ANKRD26: variants seen among roughly 807,000 people sequenced by gnomAD.
ANKRD26 encodes the protein ankyrin repeat domain 26, also known as ankyrin repeat domain-containing protein 26.
ANKRD26 carries 141 observed loss-of-function variants against 208.7 expected under a neutral mutation model. The observed-to-expected ratio is 0.68, with a 90% CI of 0.59 to 0.78. The LOEUF is 0.78. Ranked by LOEUF, ANKRD26 falls within the 30% of genes least tolerant of loss-of-function variation. The probability of loss-of-function intolerance (pLI) is 0.00; values close to 1 mark genes in which losing one functional copy is unlikely to be tolerated. For synonymous variants in ANKRD26, 636 were observed against 660.4 expected (o/e 0.96, Z 0.57); for missense variants, 1,889 against 1,938.7 (o/e 0.97, Z 0.48).
chr10:27,098,338 A>G (rs1246974428), intron 1 of ANKRD26, among the ~76,000 whole-genome samples: 2 of 151,930 alleles, frequency 1.3e-5, no homozygotes, highest in Non-Finnish European at 2.9e-5. Flanking sequence ...TGAAAAGGAT[A>G]AAAGTTGTCA....
intron 11 of ANKRD26, chr10:27,066,232 A>G: frequency 3.4e-6 from 1 of 292,744 alleles, no homozygotes; most frequent in Non-Finnish European, 6.2e-6. Context: ...GTGACTTCTA[A>G]GCCTTTTCTT....
chr10:27,065,561 T>C (rs1451675300), intron 11 of ANKRD26, among the ~76,000 whole-genome samples: 3 of 152,124 alleles, frequency 2.0e-5, no homozygotes, highest in Non-Finnish European at 4.4e-5. Flanking sequence ...TTATTGTCAC[T>C]GGAAATGATT....
At chr10:27,050,182 T>C (rs909797243) in intron 16 of ANKRD26, among the ~76,000 whole-genome samples, 15 of 119,574 alleles carry the variant, frequency 1.3e-4, no homozygotes, top group African/African-American at 4.7e-4. Flanking sequence ...ATCATGCCAT[T>C]GCACTGCAGC....
Position 27,045,456 on chromosome 10 carries a change from T to C in ANKRD26, c.1985+897A>G, listed in dbSNP as rs1454798869. 4.6e-5 allele frequency among the ~76,000 whole-genome samples: 7 copies of C among 151,660 alleles called. No individual in the cohort carries two copies. In the East Asian group the frequency reaches 1.4e-3, roughly 29 times the overall value. On this transcript the variant is annotated intron_variant, in intron 18 of 33. Coordinates refer to ENST00000376087, the MANE Select transcript of ANKRD26 (RefSeq NM_014915.3). Reference sequence around the variant, plus strand: ...AAAAAAAAAAAATCCTTACTCAGCATACATGTCAATGACACTATTAGCATA... The same window carrying C: ...AAAAAAAAAAAATCCTTACTCAGCACACATGTCAATGACACTATTAGCATA...
At chr10:27,094,927 G>A (rs745988783) in intron 1 of ANKRD26, among the ~76,000 whole-genome samples, 7 of 151,822 alleles carry the variant, frequency 4.6e-5, no homozygotes, top group Non-Finnish European at 7.4e-5. Context: ...TTGAGCCCAG[G>A]AGGTTGAGGC....
chr10:27,087,206 G>A (rs2056152384), intron 4 of ANKRD26, among the ~76,000 whole-genome samples: 1 of 152,220 alleles, frequency 6.6e-6, no homozygotes, highest in African/African-American at 2.4e-5. Context: ...CCCAGAAGAA[G>A]TCCTGGCTCT....
chr10:27,020,240 G>A (rs1409574883), intron 29 of ANKRD26, among the ~76,000 whole-genome samples: 2 of 152,166 alleles, frequency 1.3e-5, no homozygotes, highest in African/African-American at 4.8e-5. Flanking sequence ...CAATGTATAA[G>A]CGAATTAGCA....
At chr10:27,027,456 C>T (rs1213936085) in intron 27 of ANKRD26, among the ~76,000 whole-genome samples, 2 of 152,154 alleles carry the variant, frequency 1.3e-5, no homozygotes, top group African/African-American at 2.4e-5. Flanking sequence ...GACAATTGTA[C>T]ACCATATCCA....
At chr10:27,062,230 A>G (rs945343938) in intron 12 of ANKRD26, 2 of 973,864 alleles carry the variant, frequency 2.1e-6, no homozygotes, top group African/African-American at 3.5e-5. Flanking sequence ...TATATCTACA[A>G]TTTCTATTTC....
Position 27,061,274 on chromosome 10 carries a change from T to C in ANKRD26, c.1364-32A>G, listed in dbSNP as rs562152434. On this transcript the variant is annotated intron_variant, in intron 12 of 33. Coordinates refer to ENST00000376087, the MANE Select transcript of ANKRD26 (RefSeq NM_014915.3). ...AATAATACATAATAAGCTTTCAATA[T>C]TGTAATATTTATCAAAAGGAAAAAA... 6 of 1,411,258 alleles carry C rather than the reference T, an allele frequency of 4.3e-6. No homozygotes were observed. The Admixed American group carries it at 8.9e-5, about 21-fold the overall frequency. The allele number at this position is 1,411,258 out of a possible 1,614,324, so 87.4% of individuals were successfully genotyped here. A position where few individuals can be genotyped will look rare whatever the true frequency, so the allele number is the denominator to read the frequency against.
rs539565423 is a variant in ANKRD26 at position 27,041,944 on chromosome 10, A to G, written c.2161+1482T>C. On this transcript the variant is annotated intron_variant, in intron 20 of 33. Transcript: ENST00000376087. ...CAGAACTATAACAAAATTATACCAT[A>G]TATGATGTGGTATGATATTATTTGA... Among the ~76,000 whole-genome samples the G allele has an allele frequency of 3.3e-5, 5 of 152,314 alleles. No individual in the cohort carries two copies. The South Asian group carries it at 6.2e-4, about 19-fold the overall frequency.
chr10:27,033,464 A>G, intron 24 of ANKRD26, 87 bp from the exon 25 acceptor site: 3 of 1,327,662 alleles, frequency 2.3e-6, no homozygotes, highest in South Asian at 1.3e-5. Context: ...ATATTTAACT[A>G]TGACATATAC....
At chr10:26,964,266 A>C in the ANKRD26 span, among the ~76,000 whole-genome samples, 7 of 152,114 alleles carry the variant, frequency 4.6e-5, no homozygotes, top group African/African-American at 1.4e-4. Flanking sequence ...TGGATGAAGA[A>C]GCCATGGGTA....
intron 4 of ANKRD26, among the ~76,000 whole-genome samples, chr10:26,999,037 T>A (rs2052660851): frequency 6.6e-6 from 1 of 152,192 alleles, no homozygotes; most frequent in Non-Finnish European, 1.5e-5. Context: ...TCTCAGCATC[T>A]CTAAATTGTT....
chr10:27,048,835 G>A lies in ANKRD26; in HGVS notation c.1780C>T (p.Gln594Ter), dbSNP rs781434451. ...TCTTTATTTTCCTTCCTGGGAAATT[G>A]CTGATGATCAGTTTCTCCACTCTTT... ...KRKSGETDHQ[Q>*]FPRKENKEYA... The change falls in exon 17 of 34, where the codon CAA becomes TAA. Residue 594 changes from glutamine to a stop codon, truncating the protein, a stop_gained. Coordinates refer to ENST00000376087, the MANE Select transcript of ANKRD26 (RefSeq NM_014915.3). LOFTEE classifies it high-confidence loss of function. The A allele has an allele frequency of 1.2e-6, 2 of 1,613,080 alleles. No homozygotes were observed. Among genetic ancestry groups the A allele is most frequent in the Non-Finnish European group, 1.7e-6 (2 of 1,179,696 alleles).
the ANKRD26 span, among the ~76,000 whole-genome samples, chr10:26,954,626 A>G: frequency 1.6e-4 from 25 of 152,274 alleles, no homozygotes; most frequent in Non-Finnish European, 3.4e-4. Context: ...ATAAATCTGT[A>G]TCCAGAAACA....
intron 6 of ANKRD26, 110 bp downstream of exon 6, chr10:27,082,693 C>T (rs2055967565): frequency 8.4e-6 from 12 of 1,427,038 alleles, no homozygotes; most frequent in Admixed American, 2.6e-5. Flanking sequence ...GCTGTTGGGA[C>T]GACTATATGG....
In ANKRD26 at chr10:27,037,311, G is replaced by C; in HGVS notation, c.2572C>G (p.Arg858Gly). The C allele has an allele frequency of 6.2e-7, 1 of 1,613,674 alleles. No homozygotes were observed. The highest frequency in any genetic ancestry group is 8.5e-7 in the Non-Finnish European group (1 of 1,179,798). ...GAAAGTTGCCTCTGAGCGTCATTTC[G>C]CTCTTGAACGACCTAGAGATACATT... Reference protein sequence around the residue: ...KSNLNQVVQERNDAQRQLSRE... With the variant: ...KSNLNQVVQEGNDAQRQLSRE... Residue 858 changes from arginine to glycine, a missense_variant, in exon 23 of 34, where the codon CGA becomes GGA. By Grantham distance (125) the Arg-to-Gly change is moderately radical. This residue lies in a region of ANKRD26 where 1,272 missense variants were observed against 1,273.8 expected (regional missense o/e 1.00). Transcript: ENST00000376087.
At chr10:27,080,949 A>AG (rs1258657306) in intron 6 of ANKRD26, 15 of 985,426 alleles carry the variant, frequency 1.5e-5, no homozygotes, top group Non-Finnish European at 1.8e-5. Context: ...GGCAGAGGTG[A>AG]GGGGACACCT....
Sources: gnomAD v4.1 joint callset for allele counts (sites outside exome capture counted in the v4.1 genomes callset) on GRCh38, gnomAD v4.1.1 for gene constraint, gnomAD v4.1.1 regional missense constraint, MANE v1.5 for transcripts, NCBI Gene and HGNC (gene_info 2026-07-23, HGNC 2026-07-21) for gene names.